RBFOX1: variants seen among roughly 807,000 people sequenced by gnomAD.
RBFOX1 encodes the protein RNA binding fox-1 homolog 1, also known as RNA binding protein fox-1 homolog 1.
In RBFOX1, 8 loss-of-function variants were observed where a neutral mutation model predicts 57.7. That is an observed-to-expected ratio of 0.14 (90% CI 0.08 to 0.25). The LOEUF (loss-of-function observed/expected upper bound fraction) is 0.25. Ranked by LOEUF, RBFOX1 falls within the 10% of genes least tolerant of loss-of-function variation. RBFOX1 has a pLI of 1.00. For missense variants in RBFOX1, 611 were observed against 548.5 expected (o/e 1.11, Z -1.14); for synonymous variants, 326 against 222.4 (o/e 1.47, Z -4.15).
intron 1 of RBFOX1, among the ~76,000 whole-genome samples, chr16:6,311,827 G>A (rs895892970): frequency 6.6e-6 from 1 of 152,080 alleles, no homozygotes; most frequent in Non-Finnish European, 1.5e-5. Context: ...TTCCTGTCTA[G>A]TTCACTTCTC....
chr16:6,962,542 A>G (rs188855773), intron 3 of RBFOX1, among the ~76,000 whole-genome samples: 9 of 151,548 alleles, frequency 5.9e-5, no homozygotes, highest in Admixed American at 3.9e-4. Context: ...GGTCAAAAGC[A>G]CCTTAAAGTT....
intron 3 of RBFOX1, among the ~76,000 whole-genome samples, chr16:6,931,601 C>A (rs1466291751): frequency 6.6e-6 from 1 of 152,078 alleles, no homozygotes; most frequent in Non-Finnish European, 1.5e-5. Context: ...CATATCCCAC[C>A]CCACAACCAC....
At chr16:6,303,587 C>G (rs2079083513) in intron 1 of RBFOX1, among the ~76,000 whole-genome samples, 1 of 152,082 alleles carries the variant, frequency 6.6e-6, no homozygotes, top group African/African-American at 2.4e-5. Flanking sequence ...CTTCTCCGCT[C>G]TGGTCCAGTT....
chr16:6,484,351 G>T (rs902413764), intron 2 of RBFOX1, among the ~76,000 whole-genome samples: 9 of 152,170 alleles, frequency 5.9e-5, no homozygotes, highest in Admixed American at 2.0e-4. Flanking sequence ...CACCATGCTC[G>T]TTGCGCTGGT....
intron 2 of RBFOX1, among the ~76,000 whole-genome samples, chr16:5,586,429 G>A (rs967710501): frequency 6.6e-6 from 1 of 152,168 alleles, no homozygotes; most frequent in Non-Finnish European, 1.5e-5. Flanking sequence ...CTTTATATAT[G>A]TTATTTCATT....
chr16:5,292,823 C>G (rs935979727), intron 1 of RBFOX1, among the ~76,000 whole-genome samples: 1 of 151,958 alleles, frequency 6.6e-6, no homozygotes, highest in Non-Finnish European at 1.5e-5. Flanking sequence ...TGGGGTTTCA[C>G]CATGTTAGCC....
At chr16:6,893,768 C>T (rs112341560) in intron 3 of RBFOX1, among the ~76,000 whole-genome samples, 1 of 152,160 alleles carries the variant, frequency 6.6e-6, no homozygotes, top group Non-Finnish European at 1.5e-5. Context: ...ACACATGTAT[C>T]ATCTGGTGAG....
intron 4 of RBFOX1, among the ~76,000 whole-genome samples, chr16:7,134,479 A>C (rs1425050625): frequency 1.3e-5 from 2 of 152,164 alleles, no homozygotes; most frequent in Non-Finnish European, 2.9e-5. Flanking sequence ...TTGGACTCAC[A>C]GTCATTTGAT....
chr16:5,335,116 G>A (rs1334553072), intron 1 of RBFOX1, among the ~76,000 whole-genome samples: 6 of 152,076 alleles, frequency 3.9e-5, no homozygotes, highest in Non-Finnish European at 4.4e-5. Context: ...ACAATGTTGC[G>A]AAGACTGAAT....
At chr16:6,914,991 G>A (rs2072750795) in intron 3 of RBFOX1, among the ~76,000 whole-genome samples, 1 of 152,216 alleles carries the variant, frequency 6.6e-6, no homozygotes, top group Non-Finnish European at 1.5e-5. Context: ...CAGCACTATT[G>A]CCAGGCAGCA....
intron 3 of RBFOX1, among the ~76,000 whole-genome samples, chr16:6,690,231 C>A (rs529562132): frequency 2.6e-5 from 4 of 152,176 alleles, no homozygotes; most frequent in African/African-American, 9.6e-5. Context: ...AAGAGCATGA[C>A]TCTCTAAGAA....
At chr16:7,520,731 G>C (rs995442050) in intron 5 of RBFOX1, among the ~76,000 whole-genome samples, 5 of 152,198 alleles carry the variant, frequency 3.3e-5, no homozygotes. Flanking sequence ...CTGACTACCA[G>C]GTAGTAGTGA....
At chr16:5,724,307 A>T (rs1047413268) in intron 3 of RBFOX1, among the ~76,000 whole-genome samples, 1 of 152,138 alleles carries the variant, frequency 6.6e-6, no homozygotes, top group Admixed American at 6.5e-5. Context: ...CCCTAAAGGC[A>T]CGGTGGGATT....
In RBFOX1 at chr16:6,328,921, A is replaced by G. The variant is rs117441829; in HGVS notation, c.-64+11864A>G. 5.0e-4 allele frequency among the ~76,000 whole-genome samples: 76 copies of G among 152,258 alleles called. No individual in the cohort carries two copies. The East Asian group carries it at 0.013, about 27-fold the overall frequency. ...GAGAGAAGAGAGAAAATGAAAGACA[A>G]GGATCCAACCAACAAGTGGGTGGGA... On this transcript the variant is annotated intron_variant, in intron 2 of 15. Transcript: ENST00000550418.
intron 1 of RBFOX1, among the ~76,000 whole-genome samples, chr16:6,108,026 C>G (rs1194849469): frequency 1.3e-5 from 2 of 151,804 alleles, no homozygotes; most frequent in Non-Finnish European, 2.9e-5. Context: ...GCTGTTAATT[C>G]TGGTGAAAAT....
intron 3 of RBFOX1, among the ~76,000 whole-genome samples, chr16:6,905,866 C>G (rs957266907): frequency 6.6e-6 from 1 of 152,206 alleles, no homozygotes. Flanking sequence ...CCCTGGCCCT[C>G]TGCTGATCCC....
chr16:7,597,182 G>T (rs1037501240), intron 8 of RBFOX1, 189 bp from the exon 9 acceptor site: 7 of 464,182 alleles, frequency 1.5e-5, no homozygotes, highest in South Asian at 1.1e-4. Flanking sequence ...TAAGTTAAAC[G>T]GTTATGAAGT....
chr16:5,980,198 C>G (rs531504634), intron 4 of RBFOX1, among the ~76,000 whole-genome samples: 1 of 152,096 alleles, frequency 6.6e-6, no homozygotes, highest in Non-Finnish European at 1.5e-5. Flanking sequence ...TGTTAAAATG[C>G]TTTAATGTCT....
chr16:7,618,158 T>C (rs1430648996), intron 10 of RBFOX1, among the ~76,000 whole-genome samples: 1 of 152,132 alleles, frequency 6.6e-6, no homozygotes. Flanking sequence ...ACCTTAAAAT[T>C]TTACATAATG....
Sources: allele counts gnomAD v4.1 joint callset (sites outside exome capture counted in the v4.1 genomes callset), GRCh38; gene constraint gnomAD v4.1.1; transcripts MANE v1.5; gene names NCBI Gene and HGNC (gene_info 2026-07-23, HGNC 2026-07-21).